Variants in TPCN1 observed in about 807,000 individuals in gnomAD.
The protein encoded by TPCN1 is two pore segment channel 1, also known as two pore channel protein 1.
In TPCN1, 52 loss-of-function variants were observed where a neutral mutation model predicts 108.8. That is an observed-to-expected ratio of 0.48 (90% CI 0.38 to 0.60). The LOEUF (loss-of-function observed/expected upper bound fraction) is 0.60. Ranked by LOEUF, TPCN1 falls within the 20% of genes least tolerant of loss-of-function variation. The probability of loss-of-function intolerance (pLI) is 0.00; values close to 1 mark genes in which losing one functional copy is unlikely to be tolerated. For synonymous variants in TPCN1, 446 were observed against 433.7 expected (o/e 1.03, Z -0.35); for missense variants, 806 against 1,072.8 (o/e 0.75, Z 3.47).
rs773716790 is a variant in TPCN1 at position 113,278,202 on chromosome 12, T to C, written c.1198T>C (p.Tyr400His). The part of the protein sequence containing the change: ...NTPLLSLKDF[Y>H]DIYEVAALKW... ...TGCTTTTGGTAGCCTAAAGGACTTT[T>C]ACGATATCTACGAAGTTGCTGCTTT... The change falls in exon 13 of 28, where the codon TAC becomes CAC. Residue 400 changes from tyrosine (Y) to histidine (H), a missense_variant. Coordinates refer to ENST00000335509, the MANE Select transcript of TPCN1 (RefSeq NM_017901.6). 1.2e-6 allele frequency: 2 copies of C among 1,613,902 alleles called. No homozygotes were observed. The highest frequency in any genetic ancestry group is 1.3e-5 in the African/African-American group (1 of 75,048).
At chr12:113,224,434 T>A (rs549241893) in intron 1 of TPCN1, among the ~76,000 whole-genome samples, 1 of 152,254 alleles carries the variant, frequency 6.6e-6, no homozygotes, top group South Asian at 2.1e-4. Flanking sequence ...TCTCGCTCTG[T>A]CGCCCAGGCT....
chr12:113,232,476 AC>A lies in TPCN1; in HGVS notation c.112+5516del, dbSNP rs994761325. 6.6e-6 allele frequency among the ~76,000 whole-genome samples: 1 copy of A among 152,110 alleles called. No individual in the cohort carries two copies. The highest frequency in any genetic ancestry group is 1.5e-5 in the Non-Finnish European group (1 of 68,014). On this transcript the variant is annotated intron_variant, in intron 2 of 27. Coordinates refer to ENST00000335509, the MANE Select transcript of TPCN1 (RefSeq NM_017901.6). The surrounding 1 kb of genome is among the most constrained non-coding windows in gnomAD (Gnocchi z 5.6). ...GCCGGCTGGCACCAGAGAAGAATACACCCCGAGGTGTGCGCTCCATCACTGA... is the reference window on the plus strand; with the variant it reads ...GCCGGCTGGCACCAGAGAAGAATACACCCGAGGTGTGCGCTCCATCACTGA...
chr12:113,265,015 G>A (rs1448447058), intron 3 of TPCN1, among the ~76,000 whole-genome samples: 2 of 151,888 alleles, frequency 1.3e-5, no homozygotes, highest in Non-Finnish European at 2.9e-5. Context: ...TAGTAGAGAC[G>A]AGGTTTCACC....
In TPCN1 at chr12:113,232,203, C is replaced by T. The variant is rs554721438; in HGVS notation, c.112+5239C>T. Among the ~76,000 whole-genome samples, 2 of 152,364 alleles carry T rather than the reference C, an allele frequency of 1.3e-5. No individual in the cohort carries two copies. The highest frequency in any genetic ancestry group is 2.4e-5 in the African/African-American group (1 of 41,582). ...CTGCAGCTAAGGCCCAAGGTCACAG[C>T]GCAGAGAGCTGACCTCTCCCTCCTT... is the stretch of plus-strand genomic sequence containing the variant. On this transcript the variant is annotated intron_variant, in intron 2 of 27. Coordinates refer to ENST00000335509, the MANE Select transcript of TPCN1 (RefSeq NM_017901.6). This position sits in a 1 kb window ranked among gnomAD's most constrained non-coding sequence, Gnocchi z 5.6.
At chr12:113,271,233 C>T (rs1036690044) in intron 7 of TPCN1, among the ~76,000 whole-genome samples, 12 of 151,954 alleles carry the variant, frequency 7.9e-5, no homozygotes, top group Admixed American at 5.2e-4. Context: ...GCTGTGACAG[C>T]GCAACTGCAT....
In TPCN1 at chr12:113,269,608, T is replaced by C. The variant is rs1955413080; in HGVS notation, c.660-149T>C. On this transcript the variant is annotated intron_variant, in intron 6 of 27. Coordinates refer to ENST00000335509, the MANE Select transcript of TPCN1 (RefSeq NM_017901.6). The surrounding 1 kb of genome is among the most constrained non-coding windows in gnomAD (Gnocchi z 5.0). The stretch of plus-strand genomic sequence containing the variant: ...GCTGAGTGGGGGTCTCAAGCCACTT[T>C]AGGAAAAAATGAAGCATGATGTCAC... 2.9e-6 allele frequency: 2 copies of C among 691,954 alleles called. No individual in the cohort carries two copies. The highest frequency in any genetic ancestry group is 4.9e-6 in the Non-Finnish European group (2 of 411,640). 42.9% of individuals were successfully genotyped at this position (691,954 alleles called of 1,614,324 possible). A position where few individuals can be genotyped will look rare whatever the true frequency, so the allele number is the denominator to read the frequency against.
At chr12:113,260,329 C>T (rs749537196) in intron 2 of TPCN1, 39 bp from the exon 3 acceptor site, 1 of 1,469,580 alleles carries the variant, frequency 6.8e-7, no homozygotes, top group South Asian at 1.4e-5. Context: ...TGCTCTTAAG[C>T]CTGGGTGCCA....
chr12:113,224,490 G>A (rs1349460066), intron 1 of TPCN1, among the ~76,000 whole-genome samples: 3 of 151,988 alleles, frequency 2.0e-5, no homozygotes, highest in African/African-American at 4.8e-5. Flanking sequence ...TCCGCCTCCC[G>A]GGTTCACGCC....
At position 113,297,572 on chromosome 12, in the gene TPCN1, C is replaced by T. The variant is rs965191656; in HGVS notation, c.*1496C>T. ...ACCACCTCCAAGGCCAAGCTGGGTCCCATAGCCAGCACGGCATGGTTCTCC... is the reference window on the plus strand; with the variant it reads ...ACCACCTCCAAGGCCAAGCTGGGTCTCATAGCCAGCACGGCATGGTTCTCC... On this transcript the variant is annotated 3_prime_UTR_variant, in exon 28 of 28. Coordinates refer to ENST00000335509, the MANE Select transcript of TPCN1 (RefSeq NM_017901.6). The surrounding 1 kb of genome is among the most constrained non-coding windows in gnomAD (Gnocchi z 4.4). The T allele has an allele frequency of 6.5e-6, 1 of 152,780 alleles. No homozygotes were observed. Among genetic ancestry groups the T allele is most frequent in the Non-Finnish European group, 1.5e-5 (1 of 68,102 alleles). 9.5% of individuals were successfully genotyped at this position (152,780 alleles called of 1,614,324 possible). A position where few individuals can be genotyped will look rare whatever the true frequency, so the allele number is the denominator to read the frequency against.
At chr12:113,223,386 A>G (rs1050885672) in intron 1 of TPCN1, among the ~76,000 whole-genome samples, 3 of 147,040 alleles carry the variant, frequency 2.0e-5, no homozygotes, top group Non-Finnish European at 4.5e-5. Flanking sequence ...TGAGGAAGGA[A>G]CCTGCTGCTG....
At position 113,296,067 on chromosome 12, in the gene TPCN1, C is replaced by T. The variant is rs201814780; in HGVS notation, c.2442C>T (p.Thr814=). ...QPPGSRQRSQ[T]VT Reference sequence around the variant, plus strand: ...CAGGCAGCCGCCAGCGCTCCCAGACCGTTACCTAGCCCAGCGCCCGAAAGC... The same window carrying T: ...CAGGCAGCCGCCAGCGCTCCCAGACTGTTACCTAGCCCAGCGCCCGAAAGC... Residue 814 remains threonine, a synonymous_variant, in exon 28 of 28, where the codon ACC becomes ACT. Transcript: ENST00000335509. 4.2e-4 allele frequency: 684 copies of T among 1,612,848 alleles called. 7 individuals carry two copies. The East Asian group carries it at 0.013, about 30-fold the overall frequency.
At chr12:113,290,784 C>T (rs1053437593) in intron 22 of TPCN1, among the ~76,000 whole-genome samples, 168 bp from the exon 23 acceptor site, 4 of 152,190 alleles carry the variant, frequency 2.6e-5, no homozygotes, top group African/African-American at 7.2e-5. Context: ...GGAGCCAGCG[C>T]CCTAGGAGTG....
intron 15 of TPCN1, among the ~76,000 whole-genome samples, chr12:113,282,037 C>T (rs1955903118): frequency 6.6e-6 from 1 of 150,540 alleles, no homozygotes; most frequent in South Asian, 2.1e-4. Flanking sequence ...TCTCCTCCCT[C>T]AGCCTCCCAA....
chr12:113,247,245 C>T (rs1183250199), intron 2 of TPCN1, among the ~76,000 whole-genome samples: 1 of 152,134 alleles, frequency 6.6e-6, no homozygotes, highest in African/African-American at 2.4e-5. Context: ...GGAAGCTGGG[C>T]CTGCCGGGAT....
intron 4 of TPCN1, 43 bp from the exon 5 acceptor site, chr12:113,267,800 G>A: frequency 7.1e-7 from 1 of 1,409,360 alleles, no homozygotes; most frequent in Non-Finnish European, 1.0e-6. Flanking sequence ...AGTGGCCATG[G>A]GCTGGGCTGG....
chr12:113,286,744 C>T (rs867093791), intron 18 of TPCN1, among the ~76,000 whole-genome samples: 9 of 152,164 alleles, frequency 5.9e-5, no homozygotes, highest in Non-Finnish European at 8.8e-5. Flanking sequence ...TAGGGGTTCC[C>T]GGGCATTTCT....
intron 4 of TPCN1, among the ~76,000 whole-genome samples, chr12:113,267,625 C>T (rs1955317755): frequency 6.6e-6 from 1 of 152,152 alleles, no homozygotes; most frequent in Admixed American, 6.5e-5. Context: ...TTTGGGCCAG[C>T]ATGTCAGTTT....
chr12:113,277,004 A>G lies in TPCN1; in HGVS notation c.1028A>G (p.Gln343Arg), dbSNP rs762522857. 67 of 1,614,068 alleles carry G rather than the reference A, an allele frequency of 4.2e-5. No individual in the cohort carries two copies. The highest frequency in any genetic ancestry group is 5.6e-5 in the Non-Finnish European group (66 of 1,180,012). Residue 343 changes from glutamine to arginine, a missense_variant, in exon 11 of 28, where the codon CAG becomes CGG. Transcript: ENST00000335509. ...SLLLHKRTAIQHAYRLLISQR... is the reference protein window; with the variant it reads ...SLLLHKRTAIRHAYRLLISQR... ...CTACTGCACAAGCGAACCGCTATCC[A>G]GCATGCCTACCGCCTGCTCATCAGC...
intron 2 of TPCN1, among the ~76,000 whole-genome samples, chr12:113,255,991 A>C (rs1370926618): frequency 6.6e-6 from 1 of 152,028 alleles, no homozygotes; most frequent in Non-Finnish European, 1.5e-5. Flanking sequence ...ATGCCCAGCT[A>C]TTTTTTATAC....
Sources: allele counts gnomAD v4.1 joint callset (sites outside exome capture counted in the v4.1 genomes callset), GRCh38; gene constraint gnomAD v4.1.1; non-coding constraint Gnocchi (gnomAD v3.1); transcripts MANE v1.5; gene names NCBI Gene and HGNC (gene_info 2026-07-23, HGNC 2026-07-21).